PDGFC: variants seen among roughly 807,000 people sequenced by gnomAD.
The protein encoded by PDGFC is platelet derived growth factor C, also known as platelet-derived growth factor C.
PDGFC carries 12 observed loss-of-function variants against 35.5 expected under a neutral mutation model. That is an observed-to-expected ratio of 0.34 (90% CI 0.22 to 0.55). The LOEUF (loss-of-function observed/expected upper bound fraction) is 0.55, where lower values mean the gene tolerates loss of function less well. Among genes scored for constraint, PDGFC ranks in the 20% least tolerant of loss-of-function variants. PDGFC has a pLI of 0.91. For missense variants in PDGFC, 322 were observed against 412.4 expected (o/e 0.78, Z 1.90); for synonymous variants, 159 against 148.8 (o/e 1.07, Z -0.50).
intron 1 of PDGFC, among the ~76,000 whole-genome samples, chr4:156,906,242 A>C (rs889939688): frequency 1.4e-4 from 21 of 152,180 alleles, no homozygotes; most frequent in African/African-American, 5.1e-4. Flanking sequence ...AGGTTTCTTA[A>C]TGTCATAAAT....
intron 1 of PDGFC, among the ~76,000 whole-genome samples, chr4:156,902,980 G>A (rs749574906): frequency 2.0e-5 from 3 of 151,844 alleles, no homozygotes; most frequent in Non-Finnish European, 2.9e-5. Flanking sequence ...TGATAGAGCC[G>A]CTACTAAGTT....
At position 156,767,852 on chromosome 4, in the gene PDGFC, C is replaced by G; in HGVS notation, c.842G>C (p.Gly281Ala). 1.2e-6 allele frequency: 2 copies of G among 1,613,450 alleles called. No individual in the cohort carries two copies. The highest frequency in any genetic ancestry group is 1.7e-6 in the Non-Finnish European group (2 of 1,179,520). Reference protein sequence around the residue: ...WPGCLLVKRCGGNCACCLHNC... With the variant: ...WPGCLLVKRCAGNCACCLHNC... Reference sequence around the variant, plus strand: ...GTGGAGACAACAGGCACAGTTCCCACCACAGCGTTTAACCAGGAGACAACC... The same window carrying G: ...GTGGAGACAACAGGCACAGTTCCCAGCACAGCGTTTAACCAGGAGACAACC... The change falls in exon 5 of 6, where the codon GGT becomes GCT. Residue 281 changes from glycine to alanine, a missense_variant. Physicochemically the swap from Gly to Ala is moderately conservative, Grantham distance 60. Around this residue, in one of 2 missense-constraint regions of PDGFC, gnomAD observed 202 missense variants for 295.9 expected, o/e 0.68. Coordinates refer to ENST00000502773, the MANE Select transcript of PDGFC (RefSeq NM_016205.3).
intron 3 of PDGFC, among the ~76,000 whole-genome samples, chr4:156,781,089 G>A (rs1003984784): frequency 2.6e-5 from 4 of 151,956 alleles, no homozygotes; most frequent in Non-Finnish European, 5.9e-5. Context: ...TCATTTATAC[G>A]CGGACTACCA....
chr4:156,777,244 TA>T (rs1231261959), intron 3 of PDGFC, among the ~76,000 whole-genome samples: 3 of 152,162 alleles, frequency 2.0e-5, no homozygotes, highest in Non-Finnish European at 4.4e-5. Flanking sequence ...AGTATGGTCC[TA>T]AAAATCTGAA....
At chr4:156,916,255 C>G (rs571027197) in intron 1 of PDGFC, among the ~76,000 whole-genome samples, 1 of 152,266 alleles carries the variant, frequency 6.6e-6, no homozygotes, top group Admixed American at 6.5e-5. Context: ...AAAAGGGCCT[C>G]TCACCCTGTA....
intron 3 of PDGFC, 93 bp downstream of exon 3, chr4:156,810,743 AT>A (rs1228658745): frequency 8.5e-6 from 7 of 825,020 alleles, no homozygotes; most frequent in Non-Finnish European, 1.2e-5. Flanking sequence ...TTGTTTTCTG[AT>A]TTTTTTTCTG....
chr4:156,888,692 G>A (rs1037271299), intron 1 of PDGFC, among the ~76,000 whole-genome samples: 1 of 151,940 alleles, frequency 6.6e-6, no homozygotes, highest in African/African-American at 2.4e-5. Flanking sequence ...TTTTTTCTTA[G>A]TCTTTCATTT....
chr4:156,840,285 G>A (rs1419477111), intron 2 of PDGFC, among the ~76,000 whole-genome samples: 3 of 152,176 alleles, frequency 2.0e-5, no homozygotes, highest in Non-Finnish European at 4.4e-5. Context: ...TTAGTGCCCT[G>A]AATCCCAGCA....
At chr4:156,817,069 G>A (rs1250578079) in intron 2 of PDGFC, among the ~76,000 whole-genome samples, 1 of 152,108 alleles carries the variant, frequency 6.6e-6, no homozygotes, top group Non-Finnish European at 1.5e-5. Flanking sequence ...TAATTCTCAT[G>A]AAACCATGAA....
At chr4:156,963,981 CAAAAAAAA>C (rs199841240) in intron 1 of PDGFC, among the ~76,000 whole-genome samples, 1 of 78,446 alleles carries the variant, frequency 1.3e-5, no homozygotes, top group Non-Finnish European at 2.8e-5. Flanking sequence ...CGGTCTTGAC[CAAAAAAAA>C]AAAAAAAAAC....
At chr4:156,800,895 T>G (rs561960278) in intron 3 of PDGFC, among the ~76,000 whole-genome samples, 1 of 152,280 alleles carries the variant, frequency 6.6e-6, no homozygotes, top group African/African-American at 2.4e-5. Flanking sequence ...AGCTTAAGTT[T>G]TAATACACCT....
chr4:156,760,532 C>T lies in PDGFC; in HGVS notation c.*2558G>A, dbSNP rs1040952705. The T allele has an allele frequency of 1.3e-5, 2 of 152,162 alleles. No homozygotes were observed. The highest frequency in any genetic ancestry group is 2.9e-5 in the Non-Finnish European group (2 of 68,028). 9.4% of individuals were successfully genotyped at this position (152,162 alleles called of 1,614,324 possible). A position where few individuals can be genotyped will look rare whatever the true frequency, so the allele number is the denominator to read the frequency against. On this transcript the variant is annotated 3_prime_UTR_variant, in exon 6 of 6. Transcript: ENST00000502773. Reference sequence around the variant, plus strand: ...ATGTCTCAAGGACAAAGGCTTGAAACAGATATCATACACAAAACGGTGTGT... The same window carrying T: ...ATGTCTCAAGGACAAAGGCTTGAAATAGATATCATACACAAAACGGTGTGT...
At chr4:156,944,997 A>G (rs534127811) in intron 1 of PDGFC, among the ~76,000 whole-genome samples, 41 of 151,986 alleles carry the variant, frequency 2.7e-4, no homozygotes, top group African/African-American at 8.9e-4. Context: ...CTGTGCTCAA[A>G]GTCACCTTCT....
chr4:156,832,586 T>C (rs1256999547), intron 2 of PDGFC, among the ~76,000 whole-genome samples: 5 of 152,200 alleles, frequency 3.3e-5, no homozygotes, highest in Non-Finnish European at 5.9e-5. Context: ...AAGTGGTATA[T>C]AAGCCACATA....
intron 1 of PDGFC, among the ~76,000 whole-genome samples, chr4:156,937,052 T>C (rs927347217): frequency 6.6e-6 from 1 of 152,152 alleles, no homozygotes; most frequent in Non-Finnish European, 1.5e-5. Context: ...AACATCCACG[T>C]AGACAGCACT....
chr4:156,850,174 C>T (rs1252182073), intron 2 of PDGFC, 47 bp downstream of exon 2: 5 of 1,000,464 alleles, frequency 5.0e-6, no homozygotes, highest in Non-Finnish European at 7.1e-6. Flanking sequence ...ATTTGAAAGA[C>T]TTTTAACAGT....
At chr4:156,857,797 G>A (rs1037758508) in intron 1 of PDGFC, among the ~76,000 whole-genome samples, 2 of 151,972 alleles carry the variant, frequency 1.3e-5, no homozygotes, top group African/African-American at 4.8e-5. Flanking sequence ...GACAATTTCG[G>A]GTATGGAAGT....
chr4:156,845,383 AAT>A (rs924759476), intron 2 of PDGFC, among the ~76,000 whole-genome samples: 1 of 151,306 alleles, frequency 6.6e-6, no homozygotes, highest in Non-Finnish European at 1.5e-5. Flanking sequence ...ATAAATTAAA[AAT>A]ATATATATAT....
chr4:156,902,412 C>T (rs899112569), intron 1 of PDGFC, among the ~76,000 whole-genome samples: 3 of 152,138 alleles, frequency 2.0e-5, no homozygotes, highest in African/African-American at 7.2e-5. Flanking sequence ...TCCCTCCTTA[C>T]CTCCTCAGAG....
Sources: allele counts gnomAD v4.1 joint callset (sites outside exome capture counted in the v4.1 genomes callset), GRCh38; gene constraint gnomAD v4.1.1; regional missense constraint gnomAD v4.1.1; transcripts MANE v1.5; gene names NCBI Gene and HGNC (gene_info 2026-07-23, HGNC 2026-07-21).